ADGRL2: variants seen among roughly 807,000 people sequenced by gnomAD.
ADGRL2 encodes adhesion G protein-coupled receptor L2.
In ADGRL2, 44 loss-of-function variants were observed where a neutral mutation model predicts 157.4. The observed-to-expected ratio is 0.28, with a 90% confidence interval of 0.22 to 0.36. ADGRL2 has a LOEUF of 0.36. ADGRL2 is among the 10% of genes least tolerant of loss of function. ADGRL2 has a pLI of 1.00. For missense variants in ADGRL2, 1,510 were observed against 1,768.9 expected, an observed-to-expected ratio of 0.85 and a Z score of 2.63; for synonymous variants, 585 against 624.7, an observed-to-expected ratio of 0.94 and a Z score of 0.95.
chr1:81,905,684 C>G (rs1397718757), intron 2 of ADGRL2, among the ~76,000 whole-genome samples: 1 of 152,108 alleles, frequency 6.6e-6, no homozygotes, highest in Admixed American at 6.6e-5. Flanking sequence ...TCCAATATTC[C>G]TAGCATTTTC....
chr1:81,894,608 A>G lies in ADGRL2; in HGVS notation c.74-12409A>G, dbSNP rs546261147. The stretch of plus-strand genomic sequence containing the variant: ...AATGTATATTTTAGAAATTTCATGT[A>G]TGTAGCATCATTGAGAATCAAATAT... On this transcript the variant is annotated intron_variant, in intron 2 of 23. Transcript: ENST00000686636. Among the ~76,000 whole-genome samples, 8 of 152,304 alleles carry G rather than the reference A, an allele frequency of 5.3e-5. No individual in the cohort carries two copies. In the East Asian group the frequency reaches 1.5e-3, roughly 29 times the overall value.
chr1:81,868,464 G>A (rs1028686101), intron 2 of ADGRL2, among the ~76,000 whole-genome samples: 8 of 152,034 alleles, frequency 5.3e-5, no homozygotes, highest in African/African-American at 1.9e-4. Context: ...GTTTGGCCCT[G>A]GATCCTCTCT....
intron 2 of ADGRL2, among the ~76,000 whole-genome samples, chr1:81,772,840 A>G (rs1025357716): frequency 6.6e-6 from 1 of 152,148 alleles, no homozygotes; most frequent in Non-Finnish European, 1.5e-5. Context: ...ATAGCTATAA[A>G]CTTTAATATT....
chr1:81,840,735 C>T (rs558902464), intron 2 of ADGRL2, among the ~76,000 whole-genome samples: 4 of 151,994 alleles, frequency 2.6e-5, no homozygotes, highest in Admixed American at 6.6e-5. Context: ...TTTCCTACAA[C>T]GTATTTTGGG....
rs147368760 is a variant in ADGRL2 at position 81,387,896 on chromosome 1, T to C, written c.-301-57140T>C. On this transcript the variant is annotated intron_variant, in intron 1 of 24. Coordinates refer to the ADGRL2 transcript ENST00000370721. ...TAACACATACTAGAATTCTTCATTC[T>C]ATGCTCTGTATTTTTACCTTTTCCT... Among the ~76,000 whole-genome samples, 186 of 152,282 alleles carry C rather than the reference T, an allele frequency of 1.2e-3. 1 individual carries two copies. The highest frequency in any genetic ancestry group is 7.3e-3 in the East Asian group (38 of 5,172).
At chr1:81,788,753 T>A (rs1467326560) in intron 2 of ADGRL2, among the ~76,000 whole-genome samples, 1 of 152,122 alleles carries the variant, frequency 6.6e-6, no homozygotes, top group African/African-American at 2.4e-5. Context: ...TCTTACTCTG[T>A]CACCCAGGCT....
rs12038973 is a variant in ADGRL2 at position 81,455,597 on chromosome 1, C to G, written c.-248+10508C>G. ...ACCATAAAGGAAGAAGCCATGTGTT[C>G]TGCTTATTTGTTTTTTATTTTCTCC... On this transcript the variant is annotated intron_variant, in intron 2 of 24. Coordinates refer to the ADGRL2 transcript ENST00000370721. Among the ~76,000 whole-genome samples the G allele has an allele frequency of 8.5e-3, 1,291 of 152,264 alleles. 23 individuals are homozygous for G. The highest frequency in any genetic ancestry group is 0.041 in the East Asian group (212 of 5,184).
intron 3 of ADGRL2, among the ~76,000 whole-genome samples, chr1:81,682,135 T>TGTGTG (rs2083132765): frequency 1.1e-5 from 1 of 88,402 alleles, no homozygotes; most frequent in South Asian, 3.2e-4. Context: ...GTGTGTGTAT[T>TGTGTG]TTTCTTTTTC....
intron 2 of ADGRL2, among the ~76,000 whole-genome samples, chr1:81,447,678 A>G (rs1306942725): frequency 1.3e-5 from 2 of 152,180 alleles, no homozygotes; most frequent in African/African-American, 4.8e-5. Context: ...TTTTTAGAAA[A>G]AAACTTCCAA....
chr1:81,671,094 C>T (rs1396294709), intron 3 of ADGRL2, among the ~76,000 whole-genome samples: 1 of 152,164 alleles, frequency 6.6e-6, no homozygotes, highest in Non-Finnish European at 1.5e-5. Flanking sequence ...AGTTCAGGAC[C>T]AGCCCTAATC....
At chr1:81,359,413 C>T (rs1057048171) in intron 1 of ADGRL2, among the ~76,000 whole-genome samples, 4 of 151,970 alleles carry the variant, frequency 2.6e-5, no homozygotes, top group Non-Finnish European at 5.9e-5. Context: ...CAATATACAT[C>T]GCTATCCCTA....
chr1:81,568,170 T>TA (rs2080605806), intron 2 of ADGRL2, among the ~76,000 whole-genome samples: 1 of 152,130 alleles, frequency 6.6e-6, no homozygotes, highest in Non-Finnish European at 1.5e-5. Context: ...TTTCCACTGT[T>TA]AAAAAAGGAA....
chr1:81,502,300 G>A (rs1467430475), intron 2 of ADGRL2: 1 of 1,613,858 alleles, frequency 6.2e-7, no homozygotes, highest in Non-Finnish European at 8.5e-7. Context: ...CAGCAGGACA[G>A]CTGAACTGGA....
At chr1:81,868,575 T>C (rs1447188197) in intron 2 of ADGRL2, among the ~76,000 whole-genome samples, 1 of 152,044 alleles carries the variant, frequency 6.6e-6, no homozygotes, top group East Asian at 1.9e-4. Context: ...TATACATCTA[T>C]AGTTTCTTTG....
intron 2 of ADGRL2, among the ~76,000 whole-genome samples, chr1:81,509,812 A>G (rs1036401689): frequency 1.3e-5 from 2 of 152,188 alleles, no homozygotes; most frequent in Non-Finnish European, 2.9e-5. Flanking sequence ...TCTTGTGTGC[A>G]AACAGGAGGA....
rs1558067572 is a variant in ADGRL2 at position 81,991,275 on chromosome 1, A to C, written c.*130A>C. The stretch of plus-strand genomic sequence containing the variant: ...GACCTGTGGTTCTCTGGTGTAAAAA[A>C]GATGACTGAACCTTGCAGTTCTGTG... On this transcript the variant is annotated 3_prime_UTR_variant, in exon 24 of 24. Coordinates refer to ENST00000686636, the MANE Select transcript of ADGRL2 (RefSeq NM_001366006.2). The C allele has an allele frequency of 1.2e-6, 1 of 815,460 alleles. No homozygotes were observed. Among genetic ancestry groups the C allele is most frequent in the East Asian group, 2.5e-5 (1 of 39,538 alleles). The allele number at this position is 815,460 out of a possible 1,614,324, so 50.5% of individuals were successfully genotyped here. A position where few individuals can be genotyped will look rare whatever the true frequency, so the allele number is the denominator to read the frequency against.
At chr1:81,644,003 A>G (rs1299743017) in intron 3 of ADGRL2, among the ~76,000 whole-genome samples, 1 of 152,212 alleles carries the variant, frequency 6.6e-6, no homozygotes, top group Non-Finnish European at 1.5e-5. Context: ...ATTAATCAAG[A>G]CACTGTGGTA....
intron 11 of ADGRL2, among the ~76,000 whole-genome samples, chr1:81,958,007 C>CA (rs11428838): frequency 0.19 from 27,985 of 149,994 alleles, 3,308 homozygotes; most frequent in East Asian, 0.63. Flanking sequence ...CTAAAAAATA[C>CA]AAAAAAAAAT....
intron 2 of ADGRL2, among the ~76,000 whole-genome samples, chr1:81,526,325 C>G (rs1189320384): frequency 6.6e-6 from 1 of 152,118 alleles, no homozygotes; most frequent in East Asian, 1.9e-4. Flanking sequence ...AAACCCTGAT[C>G]AGCTATTTTG....
Sources: gnomAD v4.1 joint callset for allele counts (sites outside exome capture counted in the v4.1 genomes callset) on GRCh38, gnomAD v4.1.1 for gene constraint, MANE v1.5 for transcripts, NCBI Gene and HGNC (gene_info 2026-07-23, HGNC 2026-07-21) for gene names.